FANCM: variants seen among roughly 807,000 people sequenced by gnomAD.
FANCM encodes the protein FA complementation group M.
FANCM carries 140 observed loss-of-function variants against 199.5 expected under a neutral mutation model. That is an observed-to-expected ratio of 0.70 (90% CI 0.61 to 0.81). FANCM has a LOEUF of 0.81. Among genes scored for constraint, FANCM ranks in the 30% least tolerant of loss-of-function variants. The pLI is 0.00. For synonymous variants in FANCM, 840 were observed against 836.8 expected, an observed-to-expected ratio of 1.00 and a Z score of -0.07; for missense variants, 2,410 against 2,421.4, an observed-to-expected ratio of 1.00 and a Z score of 0.10.
At chr14:45,148,659 G>A (rs1236321649) in intron 3 of FANCM, among the ~76,000 whole-genome samples, 178 bp from the exon 4 acceptor site, 2 of 152,028 alleles carry the variant, frequency 1.3e-5, no homozygotes, top group African/African-American at 2.4e-5. Context: ...CTTTTCACCT[G>A]TTGTGCTACT....
intron 8 of FANCM, among the ~76,000 whole-genome samples, chr14:45,158,681 T>C (rs762107540): frequency 3.3e-5 from 5 of 152,282 alleles, no homozygotes; most frequent in Non-Finnish European, 5.9e-5. Flanking sequence ...TATGCCTGAG[T>C]TGAAGGACTA....
At chr14:45,143,484 C>G (rs1056740359) in intron 3 of FANCM, among the ~76,000 whole-genome samples, 1 of 151,944 alleles carries the variant, frequency 6.6e-6, no homozygotes, top group African/African-American at 2.4e-5. Flanking sequence ...CCTTGCCACT[C>G]TTTCTTTTGA....
rs1220009089 is a variant in FANCM at position 45,196,211 on chromosome 14, T to G, written c.5380T>G (p.Ser1794Ala). 6.2e-7 allele frequency: 1 copy of G among 1,614,130 alleles called. No homozygotes were observed. The highest frequency in any genetic ancestry group is 1.1e-5 in the South Asian group (1 of 91,082). Reference sequence around the variant, plus strand: ...GGAGGATTCTAGCACTTCAGGGGCATCCTGTTCCAAGTCAAGACCACATTT... The same window carrying G: ...GGAGGATTCTAGCACTTCAGGGGCAGCCTGTTCCAAGTCAAGACCACATTT... ...ALEDSSTSGA[S>A]CSKSRPHLAG... is the part of the protein sequence containing the mutation. The change falls in exon 21 of 23, where the codon TCC becomes GCC. Residue 1794 changes from serine (S) to alanine (A), a missense_variant. Transcript: ENST00000267430.
intron 4 of FANCM, 151 bp downstream of exon 4, chr14:45,149,146 T>C: frequency 1.4e-6 from 1 of 705,444 alleles, no homozygotes; most frequent in East Asian, 2.7e-5. Context: ...ATTTTTGGAA[T>C]GAGCACTGTG....
rs747493198 is a variant in FANCM at position 45,183,912 on chromosome 14, T to G, written c.4515+10T>G. 1.9e-6 allele frequency: 3 copies of G among 1,601,410 alleles called. No homozygotes were observed. The highest frequency in any genetic ancestry group is 2.2e-5 in the South Asian group (2 of 90,322). ...ACAGAGTCACTTAAAGGTAATCTTT[T>G]TTTTAGTTTCTTTAAATATGTATGC... On this transcript the variant is annotated intron_variant, in intron 17 of 22. Transcript: ENST00000267430.
At chr14:45,196,788 A>G (rs1890085746) in intron 21 of FANCM, among the ~76,000 whole-genome samples, 1 of 152,328 alleles carries the variant, frequency 6.6e-6, no homozygotes, top group Admixed American at 6.5e-5. Context: ...AGACTTTTTC[A>G]GGAACCCAGG....
At chr14:45,157,253 T>C (rs1282563266) in intron 8 of FANCM, among the ~76,000 whole-genome samples, 2 of 152,188 alleles carry the variant, frequency 1.3e-5, no homozygotes, top group Admixed American at 1.3e-4. Context: ...GAAGAATGAT[T>C]GCTGCTGTTT....
intron 13 of FANCM, 99 bp downstream of exon 13, chr14:45,173,309 T>A: frequency 9.1e-7 from 1 of 1,096,930 alleles, no homozygotes; most frequent in Non-Finnish European, 1.4e-6. Context: ...AATACTTTGT[T>A]TTTCTGTATA....
chr14:45,151,714 C>T (rs778572064), intron 5 of FANCM, among the ~76,000 whole-genome samples, 186 bp downstream of exon 5: 3 of 151,948 alleles, frequency 2.0e-5, no homozygotes, highest in Non-Finnish European at 2.9e-5. Context: ...CACTTGAGCC[C>T]TGGAGTTCAG....
intron 9 of FANCM, among the ~76,000 whole-genome samples, chr14:45,160,066 T>C (rs1887486311): frequency 6.7e-6 from 1 of 150,246 alleles, no homozygotes; most frequent in Non-Finnish European, 1.5e-5. Context: ...AGTGGTGTGA[T>C]CTTGGCTCAC....
At chr14:45,185,687 T>A (rs1346051037) in intron 18 of FANCM, among the ~76,000 whole-genome samples, 1 of 152,060 alleles carries the variant, frequency 6.6e-6, no homozygotes, top group Non-Finnish European at 1.5e-5. Context: ...GAACCATATA[T>A]GAATGAACAA....
rs1405340314 is a variant in FANCM, at chr14:45,137,227, T to C, written c.667T>C (p.Tyr223His). Reference sequence around the variant, plus strand: ...TGAAGCTCATAAAGCTCTCGGAAACTATGCTTATTGCCAGGTAATAATTTT... The same window carrying C: ...TGAAGCTCATAAAGCTCTCGGAAACCATGCTTATTGCCAGGTAATAATTTT... ...IDEAHKALGN[Y>H]AYCQVVRELV... The change falls in exon 2 of 23, where the codon TAT (tyrosine) becomes CAT (histidine). Residue 223 changes from tyrosine to histidine, a missense_variant. Coordinates refer to ENST00000267430, the MANE Select transcript of FANCM (RefSeq NM_020937.4). 2 of 1,612,368 alleles carry C rather than the reference T, an allele frequency of 1.2e-6. No homozygotes were observed. The highest frequency in any genetic ancestry group is 1.7e-6 in the Non-Finnish European group (2 of 1,179,824).
chr14:45,163,343 C>T (rs1473934040), intron 9 of FANCM, among the ~76,000 whole-genome samples: 1 of 152,196 alleles, frequency 6.6e-6, no homozygotes, highest in Non-Finnish European at 1.5e-5. Context: ...TGCCCTTGCA[C>T]ATAGTAGCTA....
In FANCM at chr14:45,192,503, C is replaced by T. The variant is rs184705184; in HGVS notation, c.5340+3141C>T. ...CTAAAAATACAAAAAATTAGCCAGA[C>T]GTGGTGGCACATGCCTGTAGCCCCA... On this transcript the variant is annotated intron_variant, in intron 20 of 22. Coordinates refer to ENST00000267430, the MANE Select transcript of FANCM (RefSeq NM_020937.4). Among the ~76,000 whole-genome samples, 7 of 152,280 alleles carry T rather than the reference C, an allele frequency of 4.6e-5. No homozygotes were observed. In the East Asian group the frequency reaches 9.7e-4, roughly 21 times the overall value.
chr14:45,200,004 T>A lies in FANCM; in HGVS notation c.6143T>A (p.Ile2048Lys). ...AACCAAGATAGACTGAAATCTGATA[T>A]ATAATCAAGCTGCTCAAGATGGGGT... ...DLNQDRLKSD[I>K] is the part of the protein sequence containing the mutation. Residue 2048 changes from isoleucine to lysine, a missense_variant, in exon 23 of 23, where the codon ATA (isoleucine) becomes AAA (lysine). Transcript: ENST00000267430. 1 of 1,606,612 alleles carries A rather than the reference T, an allele frequency of 6.2e-7. No individual in the cohort carries two copies. Among genetic ancestry groups the A allele is most frequent in the Non-Finnish European group, 8.5e-7 (1 of 1,174,632 alleles).
intron 5 of FANCM, among the ~76,000 whole-genome samples, chr14:45,152,952 T>A (rs1193000278): frequency 1.3e-5 from 2 of 152,216 alleles, no homozygotes; most frequent in African/African-American, 2.4e-5. Context: ...TCTAAACCTG[T>A]TGAACTAGAT....
intron 3 of FANCM, among the ~76,000 whole-genome samples, chr14:45,143,195 G>T (rs1886100748): frequency 6.7e-6 from 1 of 149,728 alleles, no homozygotes. Flanking sequence ...TTTTAAACAG[G>T]GTCTCACTGA....
intron 11 of FANCM, among the ~76,000 whole-genome samples, chr14:45,167,666 C>A (rs1888081203): frequency 6.6e-6 from 1 of 152,038 alleles, no homozygotes; most frequent in Non-Finnish European, 1.5e-5. Flanking sequence ...TTGAGGTAGC[C>A]ATTTGTGTTA....
chr14:45,147,907 C>A (rs4906565), intron 3 of FANCM, among the ~76,000 whole-genome samples: 12,593 of 142,858 alleles, frequency 0.088, 690 homozygotes, highest in South Asian at 0.18. Context: ...GCCCCCCCCC[C>A]AAAAAAAAAG....
Sources: gnomAD v4.1 joint callset for allele counts (sites outside exome capture counted in the v4.1 genomes callset) on GRCh38, gnomAD v4.1.1 for gene constraint, MANE v1.5 for transcripts, NCBI Gene and HGNC (gene_info 2026-07-23, HGNC 2026-07-21) for gene names.